Variants in ZNF84 observed in about 807,000 individuals in gnomAD.
ZNF84 encodes the protein zinc finger protein HPF2.
In ZNF84, 12 loss-of-function variants were observed where a neutral mutation model predicts 14.8. That is an observed-to-expected ratio of 0.81 (90% confidence interval 0.52 to 1.31). The LOEUF (loss-of-function observed/expected upper bound fraction) is 1.31. Among genes scored for constraint, ZNF84 ranks in the 50% most tolerant of loss-of-function variants. The pLI is 0.00. For missense variants in ZNF84, 859 were observed against 878.6 expected, an observed-to-expected ratio of 0.98 and a Z score of 0.28; for synonymous variants, 347 against 291.1, an observed-to-expected ratio of 1.19 and a Z score of -1.96.
In ZNF84 at chr12:133,057,121, A is replaced by C; in HGVS notation, c.406A>C (p.Ile136Leu). The change falls in exon 5 of 5, where the codon ATT (isoleucine) becomes CTT (leucine). Residue 136 changes from isoleucine to leucine, a missense_variant. Transcript: ENST00000539354. ...SNSEGDLDGL[I>L]LKHHLDLLIP... ...CAGTGAAGGTGACTTAGATGGATTG[A>C]TTTTAAAACATCATTTAGATTTGCT... The C allele has an allele frequency of 6.2e-7, 1 of 1,612,700 alleles. No homozygotes were observed. The highest frequency in any genetic ancestry group is 8.5e-7 in the Non-Finnish European group (1 of 1,179,680).
chr12:133,052,315 G>A (rs1303924366), intron 4 of ZNF84, among the ~76,000 whole-genome samples: 1 of 152,178 alleles, frequency 6.6e-6, no homozygotes, highest in Non-Finnish European at 1.5e-5. Flanking sequence ...TGGAGAGAGA[G>A]AGAGAGAAGA....
chr12:133,040,098 T>A (rs1953860101), intron 1 of ZNF84, among the ~76,000 whole-genome samples: 1 of 152,144 alleles, frequency 6.6e-6, no homozygotes, highest in Admixed American at 6.5e-5. Context: ...TGCCTTGGCC[T>A]CCCAAAGTGC....
At chr12:133,045,895 A>G (rs951197955) in intron 2 of ZNF84, among the ~76,000 whole-genome samples, 1 of 152,052 alleles carries the variant, frequency 6.6e-6, no homozygotes, top group African/African-American at 2.4e-5. Context: ...TGACACTCAC[A>G]TTAGAGTCTT....
chr12:133,048,315 A>G (rs1158420241), intron 3 of ZNF84: 1 of 416,182 alleles, frequency 2.4e-6, no homozygotes, highest in Non-Finnish European at 4.4e-6. Context: ...AAGTAGTAAT[A>G]GTTTGAGCAG....
rs1271614020 is a variant in ZNF84 at position 133,056,997 on chromosome 12, C to T, written c.282C>T (p.Asn94=). The part of the protein sequence containing the change: ...VDGNMMWHQD[N]QDKLKIIKRG... Reference sequence around the variant, plus strand: ...GTAACATGATGTGGCACCAGGATAACCAAGACAAGCTTAAAATTATAAAAA... The same window carrying T: ...GTAACATGATGTGGCACCAGGATAATCAAGACAAGCTTAAAATTATAAAAA... The change falls in exon 5 of 5, where the codon AAC becomes AAT. Residue 94 remains asparagine (N), a synonymous_variant. Transcript: ENST00000539354. 8 of 1,601,800 alleles carry T rather than the reference C, an allele frequency of 5.0e-6. No homozygotes were observed. The highest frequency in any genetic ancestry group is 2.2e-5 in the East Asian group (1 of 44,806).
chr12:133,058,728 A>G lies in ZNF84; in HGVS notation c.2013A>G (p.Ile671Met). The part of the protein sequence containing the change: ...GKAFSRKSHL[I>M]PHQRTHTGEK... Reference sequence around the variant, plus strand: ...CTTTCTCTCGGAAGTCACACCTTATACCACATCAAAGGACACATACGGGTG... The same window carrying G: ...CTTTCTCTCGGAAGTCACACCTTATGCCACATCAAAGGACACATACGGGTG... Residue 671 changes from isoleucine to methionine, a missense_variant, in exon 5 of 5, where the codon ATA (isoleucine) becomes ATG (methionine). Ile to Met is a conservative substitution (Grantham distance 10). Transcript: ENST00000539354. The G allele has an allele frequency of 1.9e-6, 3 of 1,613,858 alleles. No homozygotes were observed. The highest frequency in any genetic ancestry group is 2.5e-6 in the Non-Finnish European group (3 of 1,179,928).
At chr12:133,056,149 A>G (rs1457646981) in intron 4 of ZNF84, among the ~76,000 whole-genome samples, 1 of 152,060 alleles carries the variant, frequency 6.6e-6, no homozygotes, top group East Asian at 1.9e-4. Context: ...AAATATTTTC[A>G]TTTTCTTCTT....
Position 133,058,800 on chromosome 12 carries a change from G to A in ZNF84, c.2085G>A (p.Lys695=). 1 of 1,614,030 alleles carries A rather than the reference G, an allele frequency of 6.2e-7. No homozygotes were observed. The highest frequency in any genetic ancestry group is 1.3e-5 in the African/African-American group (1 of 75,010). Residue 695 remains lysine, a synonymous_variant, in exon 5 of 5, where the codon AAG becomes AAA. Transcript: ENST00000539354. ...AATGTAGGAAGGCCTTCTCTCAGAA[G>A]TCACAGCTGGTTAATCATCAGAGAA... is the stretch of plus-strand genomic sequence containing the variant. ...CSECRKAFSQ[K]SQLVNHQRIH...
At chr12:133,050,528 C>T in intron 4 of ZNF84, 1 of 398,598 alleles carries the variant, frequency 2.5e-6, no homozygotes, top group Non-Finnish European at 4.4e-6. Context: ...TTTCAGGGAC[C>T]TCCATAGTAT....
intron 3 of ZNF84, 26 bp from the exon 4 acceptor site, chr12:133,048,727 G>A: frequency 5.0e-6 from 8 of 1,599,604 alleles, no homozygotes; most frequent in East Asian, 2.2e-5. Context: ...TTGGGCCCAA[G>A]GCCTTTGTGA....
chr12:133,045,959 C>T (rs1192480946), intron 2 of ZNF84, among the ~76,000 whole-genome samples: 1 of 19,932 alleles, frequency 5.0e-5, no homozygotes. Flanking sequence ...CATTTTCTGT[C>T]TGTTCAAAAC....
intron 4 of ZNF84, among the ~76,000 whole-genome samples, chr12:133,054,501 T>C (rs1954118576): frequency 6.6e-6 from 1 of 152,194 alleles, no homozygotes; most frequent in Non-Finnish European, 1.5e-5. Context: ...ATTTTTAGAA[T>C]GGGAACTTGG....
At chr12:133,049,041 C>T (rs1022417931) in intron 4 of ZNF84, among the ~76,000 whole-genome samples, 193 bp downstream of exon 4, 1 of 152,168 alleles carries the variant, frequency 6.6e-6, no homozygotes, top group African/African-American at 2.4e-5. Flanking sequence ...TTAAGGATCT[C>T]TTTTCAAAAT....
chr12:133,059,042 ATGAGAACTCTAAATGAGGTGGTG>A lies in ZNF84; in HGVS notation c.*112_*134del. On this transcript the variant is annotated 3_prime_UTR_variant, in exon 5 of 5. Coordinates refer to ENST00000539354, the MANE Select transcript of ZNF84 (RefSeq NM_001289971.2). ...TGTTAGGTGTTTGTACTCCATGAGG[ATGAGAACTCTAAATGAGGTGGTG>A]TATGGAAAGCCGATCATAATTCATA... The A allele has an allele frequency of 9.4e-7, 1 of 1,061,514 alleles. No individual in the cohort carries two copies. The highest frequency in any genetic ancestry group is 1.6e-5 in the South Asian group (1 of 63,688). 65.8% of individuals were successfully genotyped at this position (1,061,514 alleles called of 1,614,324 possible).
chr12:133,058,425 G>A lies in ZNF84; in HGVS notation c.1710G>A (p.Pro570=), dbSNP rs1440071819. ...AGAGAACTCATACTGGAGAAAAACC[G>A]TATGAATGCAGGGACTGTGAAAAAG... ...THQRTHTGEK[P]YECRDCEKAF... The change falls in exon 5 of 5, where the codon CCG becomes CCA. Residue 570 remains proline, a synonymous_variant. Transcript: ENST00000539354. 5.2e-5 allele frequency: 84 copies of A among 1,613,682 alleles called. No homozygotes were observed. Among genetic ancestry groups the A allele is most frequent in the East Asian group, 3.8e-4 (17 of 44,814 alleles).
intron 2 of ZNF84, among the ~76,000 whole-genome samples, chr12:133,043,331 A>C (rs1308812329): frequency 6.6e-6 from 1 of 151,946 alleles, no homozygotes. Context: ...CGCCTGGCTA[A>C]TTTTTTGTAT....
intron 4 of ZNF84, among the ~76,000 whole-genome samples, chr12:133,055,278 A>G (rs1239334846): frequency 2.0e-5 from 3 of 152,178 alleles, no homozygotes; most frequent in African/African-American, 7.2e-5. Flanking sequence ...AGTAAACTCA[A>G]AAAACATCCT....
intron 2 of ZNF84, among the ~76,000 whole-genome samples, chr12:133,043,144 A>G (rs1312939579): frequency 2.4e-4 from 36 of 151,670 alleles, no homozygotes; most frequent in Middle Eastern, 3.4e-3. Flanking sequence ...TGCAATTGCA[A>G]CTGCAGTCCT....
chr12:133,057,426 T>C lies in ZNF84; in HGVS notation c.711T>C (p.Cys237=). 1 of 1,614,176 alleles carries C rather than the reference T, an allele frequency of 6.2e-7. No individual in the cohort carries two copies. Among genetic ancestry groups the C allele is most frequent in the Non-Finnish European group, 8.5e-7 (1 of 1,180,030 alleles). Reference sequence around the variant, plus strand: ...ATATAAGAGACATAGCCTTTGGCTGTGGTAATTGTGGCAAAACCTTTCCCC... The same window carrying C: ...ATATAAGAGACATAGCCTTTGGCTGCGGTAATTGTGGCAAAACCTTTCCCC... The part of the protein sequence containing the change: ...SRHIRDIAFG[C]GNCGKTFPQK... The change falls in exon 5 of 5, where the codon TGT becomes TGC. Residue 237 remains cysteine (C), a synonymous_variant. Transcript: ENST00000539354.
Sources: allele counts gnomAD v4.1 joint callset (sites outside exome capture counted in the v4.1 genomes callset), GRCh38; gene constraint gnomAD v4.1.1; transcripts MANE v1.5; gene names NCBI Gene and HGNC (gene_info 2026-07-23, HGNC 2026-07-21).